The following CDH12 variants were observed in gnomAD, a reference collection of about 807,000 sequenced individuals.
CDH12 encodes the protein cadherin 12.
A neutral mutation model predicts 74.1 loss-of-function variants in CDH12; 41 were observed. The ratio of observed to expected loss-of-function variants is 0.55; its 90% CI spans 0.43 to 0.72. CDH12 has a LOEUF of 0.72. Ranked by LOEUF, CDH12 falls within the 30% of genes least tolerant of loss-of-function variation. CDH12 has a pLI of 0.00. For synonymous variants in CDH12, 399 were observed against 355.0 expected, an observed-to-expected ratio of 1.12 and a Z score of -1.39; for missense variants, 945 against 977.2, an observed-to-expected ratio of 0.97 and a Z score of 0.44.
intron 9 of CDH12, among the ~76,000 whole-genome samples, chr5:21,812,454 A>C (rs1747799644): frequency 1.3e-5 from 2 of 152,120 alleles, no homozygotes; most frequent in Non-Finnish European, 2.9e-5. Context: ...ATTGAGATAC[A>C]CCTAATTCTT....
chr5:22,743,260 T>TTATATATA (rs71609778), intron 1 of CDH12, among the ~76,000 whole-genome samples: 971 of 90,396 alleles, frequency 0.011, 4 homozygotes, highest in East Asian at 0.049. Context: ...AGCATGGAGA[T>TTATATATA]TATATATATA....
intron 4 of CDH12, among the ~76,000 whole-genome samples, chr5:22,172,099 T>C (rs1283494944): frequency 6.6e-6 from 1 of 151,930 alleles, no homozygotes; most frequent in African/African-American, 2.4e-5. Context: ...AAATGCTATG[T>C]GAAGTTATAG....
Position 21,885,208 on chromosome 5 carries a change from A to G in CDH12, c.527-30418T>C, listed in dbSNP as rs553752607. ...AGGCAAAAGGCCCTGTTTTAAGCAC[A>G]TTCCTTGTTTTAACAAATTTAATTC... On this transcript the variant is annotated intron_variant, in intron 6 of 14. Coordinates refer to ENST00000382254, the MANE Select transcript of CDH12 (RefSeq NM_004061.5). 1.2e-4 allele frequency among the ~76,000 whole-genome samples: 19 copies of G among 152,302 alleles called. No homozygotes were observed. In the East Asian group the frequency reaches 3.7e-3, roughly 29 times the overall value.
intron 3 of CDH12, among the ~76,000 whole-genome samples, chr5:22,213,084 G>C (rs995893769): frequency 1.3e-5 from 2 of 152,136 alleles, no homozygotes; most frequent in Non-Finnish European, 2.9e-5. Context: ...TGATTTGTAA[G>C]ACAAGCTTAA....
At chr5:22,674,680 A>G (rs1187863239) in intron 1 of CDH12, among the ~76,000 whole-genome samples, 2 of 152,176 alleles carry the variant, frequency 1.3e-5, no homozygotes. Flanking sequence ...GGCTTTGACA[A>G]AAATTCTGAT....
chr5:22,073,664 C>A (rs962283449), intron 5 of CDH12, among the ~76,000 whole-genome samples: 1 of 152,044 alleles, frequency 6.6e-6, no homozygotes, highest in Non-Finnish European at 1.5e-5. Flanking sequence ...CCTCTGTATA[C>A]CCTTGTGATT....
intron 1 of CDH12, among the ~76,000 whole-genome samples, chr5:22,518,425 C>T (rs1736897681): frequency 6.6e-6 from 1 of 152,186 alleles, no homozygotes. Flanking sequence ...ATCACTCATC[C>T]ATTGTGGTTT....
chr5:22,261,321 T>C (rs1325731042), intron 3 of CDH12, among the ~76,000 whole-genome samples: 4 of 151,992 alleles, frequency 2.6e-5, no homozygotes, highest in African/African-American at 7.2e-5. Context: ...TATTATTCAT[T>C]GATTTATTTC....
chr5:21,907,695 T>G (rs78585856), intron 6 of CDH12, among the ~76,000 whole-genome samples: 1 of 152,172 alleles, frequency 6.6e-6, no homozygotes, highest in Non-Finnish European at 1.5e-5. Context: ...TTGGTAGAAA[T>G]AGGATTCAGG....
At chr5:22,767,527 C>CT (rs920385904) in intron 1 of CDH12, among the ~76,000 whole-genome samples, 22 of 150,588 alleles carry the variant, frequency 1.5e-4, no homozygotes, top group East Asian at 5.8e-4. Flanking sequence ...CATAACAGGG[C>CT]TTTTTTTTTC....
intron 1 of CDH12, among the ~76,000 whole-genome samples, chr5:22,532,659 AC>A (rs988098914): frequency 2.0e-5 from 3 of 151,680 alleles, no homozygotes; most frequent in Admixed American, 2.0e-4. Flanking sequence ...GTCCTTCTTA[AC>A]TTTTTTGATG....
intron 3 of CDH12, among the ~76,000 whole-genome samples, chr5:22,379,379 T>C (rs187600029): frequency 1.7e-4 from 26 of 152,268 alleles, no homozygotes; most frequent in African/African-American, 5.3e-4. Flanking sequence ...AATGATAGTG[T>C]CCAAAATTTC....
At chr5:22,232,205 T>C (rs1049588932) in intron 3 of CDH12, among the ~76,000 whole-genome samples, 1 of 151,862 alleles carries the variant, frequency 6.6e-6, no homozygotes, top group Non-Finnish European at 1.5e-5. Flanking sequence ...TTAATAAATA[T>C]ATAAAAACAA....
At chr5:22,302,527 A>C (rs1737931294) in intron 3 of CDH12, among the ~76,000 whole-genome samples, 1 of 152,156 alleles carries the variant, frequency 6.6e-6, no homozygotes. Context: ...ATCCAGATGA[A>C]GATGTCAATA....
intron 8 of CDH12, among the ~76,000 whole-genome samples, chr5:21,833,401 T>C (rs1286866861): frequency 9.9e-6 from 1 of 100,606 alleles, no homozygotes; most frequent in Non-Finnish European, 1.8e-5. Context: ...TATCTATTAA[T>C]ATATTATGTA....
chr5:21,894,086 A>G (rs897362029), intron 6 of CDH12, among the ~76,000 whole-genome samples: 1 of 152,206 alleles, frequency 6.6e-6, no homozygotes, highest in African/African-American at 2.4e-5. Context: ...CATAAAGAAA[A>G]GATAAATATT....
At chr5:22,799,927 A>C (rs1748423747) in intron 1 of CDH12, among the ~76,000 whole-genome samples, 1 of 152,190 alleles carries the variant, frequency 6.6e-6, no homozygotes, top group Admixed American at 6.6e-5. Context: ...ATAATAAATA[A>C]ATATTTTCTG....
chr5:22,804,395 A>G (rs1435070057), intron 1 of CDH12, among the ~76,000 whole-genome samples: 1 of 151,898 alleles, frequency 6.6e-6, no homozygotes, highest in African/African-American at 2.4e-5. Context: ...TGAGAGAGAG[A>G]AGGATGGGGG....
rs535474507 is a variant in CDH12, at chr5:22,262,252, A to G, written c.-332-49609T>C. Among the ~76,000 whole-genome samples the G allele has an allele frequency of 8.1e-4, 116 of 142,868 alleles. 1 individual carries two copies. Among genetic ancestry groups the G allele is most frequent in the African/African-American group, 2.9e-3 (111 of 38,788 alleles). The allele number at this position is 142,868 out of a possible 152,430, so 93.7% of individuals were successfully genotyped here. A position where few individuals can be genotyped will look rare whatever the true frequency, so the allele number is the denominator to read the frequency against. ...CATCTAGCATTAGGTATATCTCCCA[A>G]TGCTATCCCTCCCCCCTCCCCCCAC... On this transcript the variant is annotated intron_variant, in intron 3 of 14. Transcript: ENST00000382254.
Sources: allele counts gnomAD v4.1 joint callset (sites outside exome capture counted in the v4.1 genomes callset), GRCh38; gene constraint gnomAD v4.1.1; transcripts MANE v1.5; gene names NCBI Gene and HGNC (gene_info 2026-07-23, HGNC 2026-07-21).